Variants in SORCS3 observed in about 807,000 individuals in gnomAD.
SORCS3 encodes sortilin related VPS10 domain containing receptor 3, also known as VPS10 domain-containing receptor SorCS3.
In SORCS3, 57 loss-of-function variants were observed where a neutral mutation model predicts 146.3. The ratio of observed to expected loss-of-function variants is 0.39; its 90% CI spans 0.31 to 0.49. SORCS3 has a LOEUF of 0.49. Among genes scored for constraint, SORCS3 ranks in the 20% least tolerant of loss-of-function variants. The probability of loss-of-function intolerance (pLI) is 0.92; values close to 1 mark genes in which losing one functional copy is unlikely to be tolerated. For missense variants in SORCS3, 1,341 were observed against 1,575.5 expected, an observed-to-expected ratio of 0.85 and a Z score of 2.52; for synonymous variants, 653 against 618.5, an observed-to-expected ratio of 1.06 and a Z score of -0.83.
At chr10:104,759,425 G>C (rs1354117792) in intron 1 of SORCS3, among the ~76,000 whole-genome samples, 1 of 152,050 alleles carries the variant, frequency 6.6e-6, no homozygotes, top group Non-Finnish European at 1.5e-5. Context: ...ATCTGCAGAG[G>C]GCCAAATAAT....
intron 19 of SORCS3, among the ~76,000 whole-genome samples, chr10:105,221,732 G>C (rs968869382): frequency 6.6e-6 from 1 of 152,186 alleles, no homozygotes; most frequent in Non-Finnish European, 1.5e-5. Flanking sequence ...AGGCCCCCAG[G>C]CTGAAGAGAT....
Position 105,142,988 on chromosome 10 carries a change from C to T in SORCS3, c.1302+3502C>T, listed in dbSNP as rs202026360. On this transcript the variant is annotated intron_variant, in intron 8 of 26. Coordinates refer to ENST00000369701, the MANE Select transcript of SORCS3 (RefSeq NM_014978.3). ...TGATTTATCCTTCACTGCTGTGTCA[C>T]GGCCACACTTCTCAAAAGAGTTATC... is the stretch of plus-strand genomic sequence containing the variant. Among the ~76,000 whole-genome samples, 23 of 152,152 alleles carry T rather than the reference C, an allele frequency of 1.5e-4. No homozygotes were observed. In the East Asian group the frequency reaches 2.5e-3, roughly 17 times the overall value.
At chr10:104,884,697 A>G (rs938553753) in intron 2 of SORCS3, among the ~76,000 whole-genome samples, 1 of 152,180 alleles carries the variant, frequency 6.6e-6, no homozygotes, top group Non-Finnish European at 1.5e-5. Context: ...TACAAAATTC[A>G]ACACACTTAA....
intron 5 of SORCS3, among the ~76,000 whole-genome samples, chr10:105,070,988 GA>G (rs1161330952): frequency 1.3e-5 from 2 of 151,732 alleles, no homozygotes; most frequent in Non-Finnish European, 3.0e-5. Context: ...TCCTGCTAGG[GA>G]AATTGAAGAG....
intron 10 of SORCS3, among the ~76,000 whole-genome samples, chr10:105,158,675 A>G (rs2056233196): frequency 1.3e-5 from 2 of 151,638 alleles, no homozygotes; most frequent in South Asian, 2.1e-4. Context: ...TGGGGGGCAG[A>G]GGCAGGAGGG....
At chr10:105,004,610 G>A (rs1244390595) in intron 4 of SORCS3, among the ~76,000 whole-genome samples, 1 of 152,062 alleles carries the variant, frequency 6.6e-6, no homozygotes, top group Non-Finnish European at 1.5e-5. Context: ...GTTTGTTTTT[G>A]TTTTTGGTTG....
At chr10:105,047,320 C>G (rs1564742062) in intron 5 of SORCS3, among the ~76,000 whole-genome samples, 1 of 152,192 alleles carries the variant, frequency 6.6e-6, no homozygotes, top group East Asian at 1.9e-4. Context: ...TGCCTCTGGT[C>G]TCTGATGGCA....
At chr10:104,824,432 C>T (rs1446907189) in intron 1 of SORCS3, among the ~76,000 whole-genome samples, 2 of 152,200 alleles carry the variant, frequency 1.3e-5, no homozygotes, top group Admixed American at 6.5e-5. Flanking sequence ...TTGTGTCTCT[C>T]ATCCCTACAT....
intron 1 of SORCS3, among the ~76,000 whole-genome samples, chr10:104,756,052 C>CAAAGT (rs1393361747): frequency 6.6e-6 from 1 of 152,096 alleles, no homozygotes; most frequent in Non-Finnish European, 1.5e-5. Flanking sequence ...GAACATTAGC[C>CAAAGT]AAAGTGGTTT....
intron 1 of SORCS3, among the ~76,000 whole-genome samples, chr10:104,808,316 G>C (rs2017702507): frequency 6.6e-6 from 1 of 152,196 alleles, no homozygotes; most frequent in Admixed American, 6.5e-5. Flanking sequence ...AGGATGTAAA[G>C]ACAGGGCTTT....
intron 4 of SORCS3, among the ~76,000 whole-genome samples, chr10:105,009,000 G>A (rs2055114765): frequency 6.6e-6 from 1 of 152,180 alleles, no homozygotes; most frequent in South Asian, 2.1e-4. Context: ...TTTAGCCTAA[G>A]GAGAACTATG....
At chr10:105,209,851 C>G (rs1239193414) in intron 16 of SORCS3, among the ~76,000 whole-genome samples, 1 of 152,066 alleles carries the variant, frequency 6.6e-6, no homozygotes, top group East Asian at 1.9e-4. Context: ...TGTGTACGAT[C>G]TCATTAATCA....
chr10:104,684,415 A>C (rs2016017085), intron 1 of SORCS3, among the ~76,000 whole-genome samples: 1 of 152,210 alleles, frequency 6.6e-6, no homozygotes, highest in Non-Finnish European at 1.5e-5. Context: ...GGGGAAGCCC[A>C]TTCATTCATT....
intron 20 of SORCS3, among the ~76,000 whole-genome samples, chr10:105,233,563 CA>C (rs2056776878): frequency 6.6e-6 from 1 of 152,152 alleles, no homozygotes. Flanking sequence ...CTTAGCCCCC[CA>C]CCCCTCCTTG....
At chr10:105,115,768 C>G (rs1186106312) in intron 7 of SORCS3, among the ~76,000 whole-genome samples, 2 of 151,926 alleles carry the variant, frequency 1.3e-5, no homozygotes, top group Non-Finnish European at 2.9e-5. Context: ...TGAAAAAAAC[C>G]CTGAGGCAGA....
At chr10:104,930,089 G>A (rs568428199) in intron 3 of SORCS3, among the ~76,000 whole-genome samples, 32 of 152,024 alleles carry the variant, frequency 2.1e-4, no homozygotes, top group African/African-American at 5.5e-4. Context: ...TGAAGAAAAC[G>A]ATAAACGATC....
intron 1 of SORCS3, among the ~76,000 whole-genome samples, chr10:104,739,345 GT>G (rs541946194): frequency 9.9e-4 from 151 of 152,290 alleles, no homozygotes; most frequent in African/African-American, 3.3e-3. Context: ...TTCTTTCTGA[GT>G]TTTTTTCTGC....
At chr10:105,014,068 C>CATATATAT (rs59328970) in intron 4 of SORCS3, among the ~76,000 whole-genome samples, 2 of 137,376 alleles carry the variant, frequency 1.5e-5, no homozygotes, top group African/African-American at 5.9e-5. Context: ...TCTAAATATA[C>CATATATAT]ATATATATAT....
At chr10:105,156,837 TGTTAATA>T (rs1341014288) in intron 9 of SORCS3, among the ~76,000 whole-genome samples, 1 of 152,108 alleles carries the variant, frequency 6.6e-6, no homozygotes, top group African/African-American at 2.4e-5. Flanking sequence ...TCAGAGGGAA[TGTTAATA>T]GTTAATTAAA....
Sources: gnomAD v4.1 joint callset for allele counts (sites outside exome capture counted in the v4.1 genomes callset) on GRCh38, gnomAD v4.1.1 for gene constraint, MANE v1.5 for transcripts, NCBI Gene and HGNC (gene_info 2026-07-23, HGNC 2026-07-21) for gene names.